IQCM: variants seen among roughly 807,000 people sequenced by gnomAD.
IQCM encodes IQ domain-containing protein M.
A neutral mutation model predicts 57.6 loss-of-function variants in IQCM; 45 were observed. That is an observed-to-expected ratio of 0.78 (90% CI 0.62 to 1.00). The LOEUF is 1.00. IQCM is among the 50% of genes least tolerant of loss of function. The probability of loss-of-function intolerance (pLI) is 0.00; values close to 1 mark genes in which losing one functional copy is unlikely to be tolerated. For missense variants in IQCM, 468 were observed against 511.6 expected (o/e 0.91, Z 0.82); for synonymous variants, 148 against 158.9 (o/e 0.93, Z 0.51).
chr4:149,640,773 C>T (rs1193627176), intron 7 of IQCM, among the ~76,000 whole-genome samples: 1 of 151,928 alleles, frequency 6.6e-6, no homozygotes, highest in African/African-American at 2.4e-5. Flanking sequence ...TTAATGGAGT[C>T]GAGAATATAT....
chr4:149,787,575 A>G (rs2150022369), intron 2 of IQCM, among the ~76,000 whole-genome samples: 1 of 152,298 alleles, frequency 6.6e-6, no homozygotes, highest in East Asian at 1.9e-4. Context: ...GATGCCAAGA[A>G]CATCCATTGG....
At chr4:149,659,060 T>C (rs1759913033) in intron 7 of IQCM, among the ~76,000 whole-genome samples, 1 of 152,126 alleles carries the variant, frequency 6.6e-6, no homozygotes, top group African/African-American at 2.4e-5. Flanking sequence ...TTGCATCTAT[T>C]TGATTCTTCT....
chr4:149,745,283 A>G (rs1767822734), intron 2 of IQCM, among the ~76,000 whole-genome samples: 1 of 152,232 alleles, frequency 6.6e-6, no homozygotes, highest in Non-Finnish European at 1.5e-5. Flanking sequence ...TCAAAGAACT[A>G]TTGAAAGTTT....
intron 12 of IQCM, among the ~76,000 whole-genome samples, chr4:149,497,638 C>T (rs965749489): frequency 8.6e-5 from 13 of 151,508 alleles, no homozygotes; most frequent in African/African-American, 3.2e-4. Context: ...TCCCACAACA[C>T]ATGGGAATTC....
chr4:149,646,193 G>A (rs1198959304), intron 7 of IQCM, among the ~76,000 whole-genome samples: 2 of 151,940 alleles, frequency 1.3e-5, no homozygotes, highest in Admixed American at 1.3e-4. Context: ...CTTTTATCGA[G>A]GCTTAATAAT....
chr4:149,638,064 T>C (rs1262955347), intron 7 of IQCM, among the ~76,000 whole-genome samples: 1 of 152,198 alleles, frequency 6.6e-6, no homozygotes, highest in Non-Finnish European at 1.5e-5. Context: ...ATTCAGAATA[T>C]ATACAGAGTT....
rs146628168 is a variant in IQCM at position 149,724,667 on chromosome 4, G to A, written c.385+8577C>T. Among the ~76,000 whole-genome samples, 438 of 152,062 alleles carry A rather than the reference G, an allele frequency of 2.9e-3. 7 individuals carry two copies. Among genetic ancestry groups the A allele is most frequent in the African/African-American group, 9.8e-3 (405 of 41,506 alleles). On this transcript the variant is annotated intron_variant, in intron 5 of 13. Coordinates refer to ENST00000636793, the MANE Select transcript of IQCM (RefSeq NM_001363507.2). Reference sequence around the variant, plus strand: ...AACTCCATATCAACCCTAAATATATGTGCATGACATGGATGTAATGAAATC... The same window carrying A: ...AACTCCATATCAACCCTAAATATATATGCATGACATGGATGTAATGAAATC...
chr4:149,524,469 T>TA (rs1745965199), intron 12 of IQCM, among the ~76,000 whole-genome samples: 1 of 151,834 alleles, frequency 6.6e-6, no homozygotes, highest in Non-Finnish European at 1.5e-5. Context: ...ATAAAGAAAC[T>TA]AAAATTAGAA....
At chr4:149,682,391 T>C (rs943960184) in intron 6 of IQCM, among the ~76,000 whole-genome samples, 185 bp from the exon 7 acceptor site, 1 of 151,112 alleles carries the variant, frequency 6.6e-6, no homozygotes, top group African/African-American at 2.4e-5. Context: ...GACAAAATAC[T>C]ACGAAATTTT....
At chr4:149,403,240 C>A (rs1378257390) in intron 13 of IQCM, among the ~76,000 whole-genome samples, 1 of 151,890 alleles carries the variant, frequency 6.6e-6, no homozygotes, top group East Asian at 1.9e-4. Flanking sequence ...AACAAAATTT[C>A]TTTTTACTTT....
intron 13 of IQCM, among the ~76,000 whole-genome samples, chr4:149,374,995 GTGT>G (rs764422240): frequency 0.085 from 11,189 of 131,978 alleles, 509 homozygotes; most frequent in Middle Eastern, 0.14. Flanking sequence ...GTGTGTGTGT[GTGT>G]TGTGTGTGTG....
At chr4:149,655,574 T>C (rs1252979453) in intron 7 of IQCM, among the ~76,000 whole-genome samples, 1 of 152,166 alleles carries the variant, frequency 6.6e-6, no homozygotes, top group Non-Finnish European at 1.5e-5. Context: ...GTATATTTTC[T>C]ATAATATTGT....
At chr4:149,651,091 A>C (rs1349021302) in intron 7 of IQCM, among the ~76,000 whole-genome samples, 1 of 152,194 alleles carries the variant, frequency 6.6e-6, no homozygotes, top group Non-Finnish European at 1.5e-5. Context: ...CAAACTTCCT[A>C]ATATAAATGA....
intron 8 of IQCM, among the ~76,000 whole-genome samples, chr4:149,594,295 G>T (rs904821350): frequency 6.6e-6 from 1 of 152,138 alleles, no homozygotes; most frequent in Non-Finnish European, 1.5e-5. Flanking sequence ...TATGGGATCA[G>T]TGGTGATATC....
At chr4:149,409,219 G>T (rs1276977063) in intron 13 of IQCM, among the ~76,000 whole-genome samples, 1 of 152,180 alleles carries the variant, frequency 6.6e-6, no homozygotes, top group Non-Finnish European at 1.5e-5. Context: ...TCAAGATGGG[G>T]CCTCAGATGT....
At chr4:149,653,816 C>G (rs549955658) in intron 7 of IQCM, among the ~76,000 whole-genome samples, 399 of 152,026 alleles carry the variant, frequency 2.6e-3, no homozygotes, top group African/African-American at 9.2e-3. Flanking sequence ...TATAATTGTC[C>G]TTGGTTATAA....
intron 13 of IQCM, among the ~76,000 whole-genome samples, chr4:149,354,116 G>C (rs1728759401): frequency 6.6e-6 from 1 of 151,816 alleles, no homozygotes; most frequent in Admixed American, 6.6e-5. Context: ...TGTAATCCCA[G>C]CACTTTGGGA....
chr4:149,481,932 GGT>G (rs961897588), intron 12 of IQCM, among the ~76,000 whole-genome samples: 18 of 1,154 alleles, frequency 0.016, no homozygotes, highest in East Asian at 0.083. Context: ...TTTTTGGGGG[GGT>G]TGGTTTTCTT....
At chr4:149,439,188 G>T (rs548340777) in intron 12 of IQCM, among the ~76,000 whole-genome samples, 1 of 152,044 alleles carries the variant, frequency 6.6e-6, no homozygotes, top group Admixed American at 6.6e-5. Flanking sequence ...GAAAATTAGG[G>T]AATCACAGCT....
Sources: gnomAD v4.1 joint callset for allele counts (sites outside exome capture counted in the v4.1 genomes callset) on GRCh38, gnomAD v4.1.1 for gene constraint, MANE v1.5 for transcripts, NCBI Gene and HGNC (gene_info 2026-07-23, HGNC 2026-07-21) for gene names.